Variants in MVK observed in about 807,000 individuals in gnomAD.
MVK encodes the protein LH receptor mRNA-binding protein.
Under a neutral mutation model 43.2 loss-of-function variants are expected in MVK, and 34 were observed. That is an observed-to-expected ratio of 0.79 (90% CI 0.60 to 1.05). MVK has a LOEUF of 1.05. Ranked by LOEUF, MVK falls within the 50% of genes least tolerant of loss-of-function variation. The pLI, the probability that MVK is intolerant of heterozygous loss-of-function variation, is 0.00. For missense variants in MVK, 395 were observed against 504.0 expected, an observed-to-expected ratio of 0.78 and a Z score of 2.07; for synonymous variants, 190 against 219.8, an observed-to-expected ratio of 0.86 and a Z score of 1.20.
At chr12:109,574,952 T>C in intron 2 of MVK, 52 bp downstream of exon 2, 1 of 1,538,934 alleles carries the variant, frequency 6.5e-7, no homozygotes, top group Non-Finnish European at 8.8e-7. Context: ...TCCCTGATGC[T>C]AATTTTGTAA....
intron 5 of MVK, among the ~76,000 whole-genome samples, chr12:109,584,573 T>G (rs1885357195): frequency 6.6e-6 from 1 of 152,124 alleles, no homozygotes; most frequent in Non-Finnish European, 1.5e-5. Flanking sequence ...AGTGAGTCAG[T>G]GATAGGATGG....
Position 109,596,652 on chromosome 12 carries a change from T to C in MVK, c.*75T>C. 6.4e-7 allele frequency: 1 copy of C among 1,573,296 alleles called. No homozygotes were observed. The highest frequency in any genetic ancestry group is 1.1e-5 in the South Asian group (1 of 89,444). ...TTCTGGGGGCTGCAGTTCGACTCTG[T>C]GCTGGCCAGCGAGCGCCCAGCTCCT... On this transcript the variant is annotated 3_prime_UTR_variant, in exon 11 of 11. Transcript: ENST00000228510.
intron 9 of MVK, among the ~76,000 whole-genome samples, chr12:109,592,514 G>A (rs144380666): frequency 1.2e-3 from 178 of 152,310 alleles, no homozygotes; most frequent in African/African-American, 4.1e-3. Context: ...GGTGTCTCCC[G>A]GTCCCCCGTG....
At chr12:109,596,368 T>C in intron 10 of MVK, 58 bp from the exon 11 acceptor site, 11 of 1,576,794 alleles carry the variant, frequency 7.0e-6, no homozygotes, top group Non-Finnish European at 9.5e-6. Flanking sequence ...TTGAATATGA[T>C]GAGCTTCTCC....
intron 3 of MVK, among the ~76,000 whole-genome samples, chr12:109,577,871 G>A (rs1199333826): frequency 6.6e-6 from 1 of 152,212 alleles, no homozygotes; most frequent in Non-Finnish European, 1.5e-5. Flanking sequence ...CAGAGCACAT[G>A]GAACTTGCTT....
Position 109,598,098 on chromosome 12 carries a change from A to G in MVK, c.*1521A>G, listed in dbSNP as rs1885993228. ...CCCTTCAAAACACAACGCATAAAGCAGTAATACTAATTAATACTGAACGCT... is the reference window on the plus strand; with the variant it reads ...CCCTTCAAAACACAACGCATAAAGCGGTAATACTAATTAATACTGAACGCT... On this transcript the variant is annotated 3_prime_UTR_variant, in exon 11 of 11. Transcript: ENST00000228510. 1 of 152,306 alleles carries G rather than the reference A, an allele frequency of 6.6e-6. No individual in the cohort carries two copies. The highest frequency in any genetic ancestry group is 2.1e-4 in the South Asian group (1 of 4,834). The allele number at this position is 152,306 out of a possible 1,614,324, so 9.4% of individuals were successfully genotyped here. A position where few individuals can be genotyped will look rare whatever the true frequency, so the allele number is the denominator to read the frequency against.
chr12:109,574,053 T>G (rs1884799136), intron 1 of MVK, among the ~76,000 whole-genome samples, 180 bp downstream of exon 1: 1 of 152,240 alleles, frequency 6.6e-6, no homozygotes, highest in Admixed American at 6.5e-5. Context: ...GATTCCCCGC[T>G]CTGAGCCTCA....
At chr12:109,576,904 G>A (rs1884983241) in intron 3 of MVK, among the ~76,000 whole-genome samples, 1 of 151,654 alleles carries the variant, frequency 6.6e-6, no homozygotes, top group Non-Finnish European at 1.5e-5. Context: ...AAAAGTACAA[G>A]TTACCTATGC....
chr12:109,583,017 GT>G (rs1205368796), intron 5 of MVK, among the ~76,000 whole-genome samples: 1 of 151,458 alleles, frequency 6.6e-6, no homozygotes, highest in Non-Finnish European at 1.5e-5. Flanking sequence ...CACCTGGTTT[GT>G]TTTTGTTTTT....
At chr12:109,581,366 G>A (rs754954206) in intron 4 of MVK, 29 bp from the exon 5 acceptor site, 3 of 1,612,758 alleles carry the variant, frequency 1.9e-6, no homozygotes, top group Non-Finnish European at 2.5e-6. Flanking sequence ...CTGCGGGAGA[G>A]TCACGTTTCA....
intron 3 of MVK, among the ~76,000 whole-genome samples, chr12:109,578,904 T>A (rs931458995): frequency 6.6e-6 from 1 of 152,164 alleles, no homozygotes; most frequent in African/African-American, 2.4e-5. Context: ...TTCCTGTACA[T>A]CCCTGGGAAC....
rs11067318 is a variant in MVK at position 109,575,225 on chromosome 12, A to G, written c.78+325A>G. Among the ~76,000 whole-genome samples, 1,366 of 152,320 alleles carry G rather than the reference A, an allele frequency of 9.0e-3. 24 individuals carry two copies. The highest frequency in any genetic ancestry group is 0.031 in the African/African-American group (1,294 of 41,568). On this transcript the variant is annotated intron_variant, in intron 2 of 10. Coordinates refer to ENST00000228510, the MANE Select transcript of MVK (RefSeq NM_000431.4). ...CATTTAGAAGTTGGAAGGATGATCT[A>G]GCAAAGGAGTTGAAAACATCCATTA... is the stretch of plus-strand genomic sequence containing the variant.
intron 4 of MVK, among the ~76,000 whole-genome samples, chr12:109,580,578 A>C (rs1395062318): frequency 1.3e-5 from 2 of 152,092 alleles, no homozygotes; most frequent in African/African-American, 4.8e-5. Context: ...CAGAATTTCA[A>C]CTTGAGAGAG....
intron 5 of MVK, 63 bp downstream of exon 5, chr12:109,581,613 C>T: frequency 3.7e-6 from 6 of 1,609,392 alleles, no homozygotes; most frequent in Non-Finnish European, 5.1e-6. Flanking sequence ...CGTGGCTTCT[C>T]TCACTGAGAC....
chr12:109,591,386 T>G (rs2136246418), intron 9 of MVK, 29 bp downstream of exon 9: 51 of 1,593,896 alleles, frequency 3.2e-5, no homozygotes, highest in Non-Finnish European at 4.1e-5. Context: ...GAACCGGGGT[T>G]ACTGAGTCCA....
Position 109,596,666 on chromosome 12 carries a change from C to T in MVK, c.*89C>T, listed in dbSNP as rs1298215624. 4.6e-6 allele frequency: 7 copies of T among 1,532,446 alleles called. No homozygotes were observed. The East Asian group carries it at 7.1e-5, about 16-fold the overall frequency. 94.9% of individuals were successfully genotyped at this position (1,532,446 alleles called of 1,614,324 possible). A position where few individuals can be genotyped will look rare whatever the true frequency, so the allele number is the denominator to read the frequency against. On this transcript the variant is annotated 3_prime_UTR_variant, in exon 11 of 11. Coordinates refer to ENST00000228510, the MANE Select transcript of MVK (RefSeq NM_000431.4). ...GTTCGACTCTGTGCTGGCCAGCGAG[C>T]GCCCAGCTCCTGACACTGCTGGAGA...
intron 9 of MVK, among the ~76,000 whole-genome samples, chr12:109,594,627 T>G (rs1439852440): frequency 6.6e-6 from 1 of 152,212 alleles, no homozygotes; most frequent in African/African-American, 2.4e-5. Flanking sequence ...TCTGATCATG[T>G]GGCAAGATAG....
chr12:109,590,269 C>T (rs1431612227), intron 7 of MVK: 4 of 222,544 alleles, frequency 1.8e-5, no homozygotes, highest in South Asian at 7.1e-5. Flanking sequence ...AGTGAACCTT[C>T]GCCCCCTCCT....
chr12:109,590,807 A>G lies in MVK; in HGVS notation c.714A>G (p.Lys238=). 6.2e-7 allele frequency: 1 copy of G among 1,614,154 alleles called. No homozygotes were observed. Among genetic ancestry groups the G allele is most frequent in the Non-Finnish European group, 8.5e-7 (1 of 1,180,034 alleles). The part of the protein sequence containing the change: ...PALQILLTNT[K]VPRNTRALVA... ...TCCAGATCCTGCTGACCAACACCAA[A>G]GTCCCTCGCAATACCAGGGCCCTTG... The change falls in exon 8 of 11, where the codon AAA becomes AAG. Residue 238 remains lysine (K), a synonymous_variant. Transcript: ENST00000228510.
Sources: gnomAD v4.1 joint callset for allele counts (sites outside exome capture counted in the v4.1 genomes callset) on GRCh38, gnomAD v4.1.1 for gene constraint, MANE v1.5 for transcripts, NCBI Gene and HGNC (gene_info 2026-07-23, HGNC 2026-07-21) for gene names.